Variants in TNK2 observed in about 807,000 individuals in gnomAD.
TNK2 encodes the protein activated CDC42 kinase 1.
In TNK2, 83 loss-of-function variants were observed where a neutral mutation model predicts 101.8. The ratio of observed to expected loss-of-function variants is 0.82; its 90% CI spans 0.68 to 0.98. TNK2 has a LOEUF of 0.98. TNK2 is among the 50% of genes least tolerant of loss of function. The pLI is 0.00. For missense variants in TNK2, 1,665 were observed against 1,483.2 expected (o/e 1.12, Z -2.01); for synonymous variants, 804 against 633.0 (o/e 1.27, Z -4.06).
chr3:195,892,420 G>C (rs1758909826), intron 1 of TNK2: 2 of 1,534,996 alleles, frequency 1.3e-6, no homozygotes, highest in African/African-American at 2.7e-5. Flanking sequence ...CTGTGTACAG[G>C]CGTCGCCGCA....
chr3:195,876,313 C>T (rs1487280332), intron 9 of TNK2: 3 of 423,652 alleles, frequency 7.1e-6, no homozygotes, highest in Non-Finnish European at 1.4e-5. Context: ...AGGTGGCCTC[C>T]CAGACTCCGC....
intron 1 of TNK2, among the ~76,000 whole-genome samples, chr3:195,893,540 C>T (rs962593718): frequency 6.6e-6 from 1 of 152,138 alleles, no homozygotes. Flanking sequence ...GATTAAGGGG[C>T]CTAGAGACAC....
Position 195,879,006 on chromosome 3 carries a change from T to C in TNK2, c.1014+43A>G, listed in dbSNP as rs202063857. 3 of 1,602,256 alleles carry C rather than the reference T, an allele frequency of 1.9e-6. No homozygotes were observed. In the African/African-American group the frequency reaches 4.0e-5, roughly 21 times the overall value. On this transcript the variant is annotated intron_variant, in intron 7 of 15. Coordinates refer to ENST00000672887, the MANE Select transcript of TNK2 (RefSeq NM_001382273.1). ...GCCAGGCTGCAAGCAGGGAATGGAA[T>C]TCACCCCACCAGCCCTATGGGGGCC...
At chr3:195,875,483 C>T (rs1006187246) in intron 9 of TNK2, among the ~76,000 whole-genome samples, 2 of 152,106 alleles carry the variant, frequency 1.3e-5, no homozygotes, top group African/African-American at 2.4e-5. Flanking sequence ...CTCGGGATGG[C>T]GCCCACGCAC....
chr3:195,879,282 C>G lies in TNK2; in HGVS notation c.888-107G>C, dbSNP rs549791757. On this transcript the variant is annotated intron_variant, in intron 6 of 15. Coordinates refer to ENST00000672887, the MANE Select transcript of TNK2 (RefSeq NM_001382273.1). ...CAAACACTTGTTGTGACCCCCTGTG[C>G]CAGGTTCAACAGTGGGTCTCAGGGG... 4.0e-4 allele frequency: 607 copies of G among 1,527,922 alleles called. 4 individuals are homozygous for G. The African/African-American group carries it at 7.7e-3, about 19-fold the overall frequency. The allele number at this position is 1,527,922 out of a possible 1,614,324, so 94.6% of individuals were successfully genotyped here. A position where few individuals can be genotyped will look rare whatever the true frequency, so the allele number is the denominator to read the frequency against.
At chr3:195,868,956 T>A in intron 12 of TNK2, 1 of 540,556 alleles carries the variant, frequency 1.8e-6, no homozygotes, top group South Asian at 2.5e-5. Context: ...TCGCTCCGTC[T>A]AAGCTGCAGC....
intron 12 of TNK2, 114 bp downstream of exon 12, chr3:195,869,383 A>ACCCCC: frequency 9.5e-7 from 1 of 1,052,608 alleles, no homozygotes; most frequent in Non-Finnish European, 1.4e-6. Flanking sequence ...CTCACAGCAC[A>ACCCCC]CACCCACCCA....
chr3:195,866,941 G>C lies in TNK2; in HGVS notation c.3109C>G (p.Leu1037Val), dbSNP rs1245221490. The change falls in exon 15 of 16, where the codon CTG (leucine) becomes GTG (valine). Residue 1037 changes from leucine (L) to valine (V), a missense_variant. Physicochemically the swap from Leu to Val is conservative, Grantham distance 32. Around this residue, in one of 3 missense-constraint regions of TNK2, gnomAD observed 1,136 missense variants for 894.9 expected, o/e 1.27. Coordinates refer to ENST00000672887, the MANE Select transcript of TNK2 (RefSeq NM_001382273.1). ...HKVLEMFDWN[L>V]EQAGCHLLGS... ...AGAAGGTGGCAGCCGGCCTGCTCCA[G>C]GTTCCAGTCGAACATCTCCAGCACT... The C allele has an allele frequency of 6.2e-7, 1 of 1,612,880 alleles. No homozygotes were observed. The highest frequency in any genetic ancestry group is 8.5e-7 in the Non-Finnish European group (1 of 1,179,792).
intron 9 of TNK2, chr3:195,876,421 C>G (rs573843097): frequency 6.6e-6 from 3 of 456,696 alleles, no homozygotes; most frequent in Non-Finnish European, 1.3e-5. Context: ...CCCACAGATG[C>G]ACACCCAGGC....
intron 1 of TNK2, chr3:195,896,116 G>A: frequency 4.4e-6 from 2 of 455,662 alleles, no homozygotes; most frequent in African/African-American, 2.0e-5. Context: ...CCCAACACAG[G>A]CCCACGCGGG....
intron 9 of TNK2, among the ~76,000 whole-genome samples, chr3:195,875,621 G>A (rs1288711932): frequency 6.6e-6 from 1 of 151,516 alleles, no homozygotes; most frequent in Non-Finnish European, 1.5e-5. Flanking sequence ...AGGGGACTGA[G>A]GCCAGCCCTT....
chr3:195,895,128 C>T (rs1259816931), intron 1 of TNK2: 15 of 971,662 alleles, frequency 1.5e-5, no homozygotes, highest in Non-Finnish European at 1.9e-5. Context: ...TCCCCTGGCC[C>T]AGGAGCAGAC....
rs142118912 is a variant in TNK2, at chr3:195,883,707, C to T, written c.457-398G>A. On this transcript the variant is annotated intron_variant, in intron 4 of 15. Transcript: ENST00000672887. ...TCAGCTCACTGCAACCTCTGCCTCCCGGGTTCAAGTGATTCTCCTGCCTCA... is the reference window on the plus strand; with the variant it reads ...TCAGCTCACTGCAACCTCTGCCTCCTGGGTTCAAGTGATTCTCCTGCCTCA... The T allele has an allele frequency of 5.7e-3, 951 of 167,568 alleles. 6 individuals carry two copies. Among genetic ancestry groups the T allele is most frequent in the Middle Eastern group, 0.043 (14 of 328 alleles). 10.4% of individuals were successfully genotyped at this position (167,568 alleles called of 1,614,324 possible).
At chr3:195,895,418 C>A in intron 1 of TNK2, 1 of 1,518,004 alleles carries the variant, frequency 6.6e-7, no homozygotes, top group South Asian at 1.2e-5. Context: ...CTCGAGCATC[C>A]TCCAGAAGTG....
chr3:195,896,078 G>C, intron 1 of TNK2: 1 of 455,424 alleles, frequency 2.2e-6, no homozygotes, highest in Non-Finnish European at 4.4e-6. Flanking sequence ...GCGGTGACAC[G>C]AGGGCCCGGA....
chr3:195,907,551 A>G (rs1422636068), intron 1 of TNK2, among the ~76,000 whole-genome samples: 1 of 152,212 alleles, frequency 6.6e-6, no homozygotes, highest in Non-Finnish European at 1.5e-5. Flanking sequence ...AGTGCCAGGT[A>G]AGAGGCGAAC....
chr3:195,869,298 C>T (rs187148888), intron 12 of TNK2, 199 bp downstream of exon 12: 79 of 640,256 alleles, frequency 1.2e-4, no homozygotes, highest in Admixed American at 1.1e-3. Context: ...GGGCCACACT[C>T]GTGAGCAGAA....
At chr3:195,872,578 G>A in intron 9 of TNK2, 108 bp from the exon 10 acceptor site, 4 of 1,198,598 alleles carry the variant, frequency 3.3e-6, no homozygotes, top group Non-Finnish European at 3.4e-6. Flanking sequence ...TGGAGCTCAG[G>A]CCTCAGGACC....
intron 6 of TNK2, among the ~76,000 whole-genome samples, chr3:195,881,465 A>C (rs1461920454): frequency 1.8e-5 from 2 of 109,078 alleles, no homozygotes; most frequent in Non-Finnish European, 3.6e-5. Context: ...GAGAGGACAC[A>C]GGATCTGTCC....
Sources: gnomAD v4.1 joint callset for allele counts (sites outside exome capture counted in the v4.1 genomes callset) on GRCh38, gnomAD v4.1.1 for gene constraint, gnomAD v4.1.1 regional missense constraint, MANE v1.5 for transcripts, NCBI Gene and HGNC (gene_info 2026-07-23, HGNC 2026-07-21) for gene names.